GAS7: variants seen among roughly 807,000 people sequenced by gnomAD.
GAS7 encodes the protein growth arrest specific 7, also known as growth arrest-specific protein 7.
GAS7 carries 28 observed loss-of-function variants against 71.1 expected under a neutral mutation model. The observed-to-expected ratio is 0.39, with a 90% confidence interval of 0.29 to 0.54. The LOEUF is 0.54. Among genes scored for constraint, GAS7 ranks in the 20% least tolerant of loss-of-function variants. The pLI, the probability that GAS7 is intolerant of heterozygous loss-of-function variation, is 0.62. For missense variants in GAS7, 436 were observed against 627.8 expected (o/e 0.69, Z 3.27); for synonymous variants, 258 against 245.8 (o/e 1.05, Z -0.46).
intron 1 of GAS7, among the ~76,000 whole-genome samples, chr17:10,047,811 G>T (rs1019423796): frequency 2.0e-5 from 3 of 152,142 alleles, no homozygotes; most frequent in Admixed American, 1.3e-4. Flanking sequence ...ATTTAAATCA[G>T]TGACTTGCGG....
chr17:10,162,066 CAAAAAAAA>C (rs58368044), intron 1 of GAS7, among the ~76,000 whole-genome samples: 1 of 103,618 alleles, frequency 9.7e-6, no homozygotes, highest in Non-Finnish European at 1.9e-5. Context: ...GACTCCATCT[CAAAAAAAA>C]AAAAAAAAAA....
chr17:9,956,794 G>C (rs994539639), intron 5 of GAS7, among the ~76,000 whole-genome samples: 1 of 152,180 alleles, frequency 6.6e-6, no homozygotes, highest in Non-Finnish European at 1.5e-5. Flanking sequence ...CACGGGAAGC[G>C]GCTCACCTCA....
At chr17:10,037,159 G>C (rs563791593) in intron 1 of GAS7, among the ~76,000 whole-genome samples, 5 of 152,362 alleles carry the variant, frequency 3.3e-5, no homozygotes, top group African/African-American at 1.2e-4. Context: ...CATCAAACCT[G>C]GACAGATAAC....
intron 13 of GAS7, among the ~76,000 whole-genome samples, chr17:9,917,760 C>T (rs1325853510): frequency 6.6e-6 from 1 of 152,234 alleles, no homozygotes; most frequent in East Asian, 1.9e-4. Context: ...GCTTCTTTCT[C>T]CTCAGGGTAA....
chr17:10,084,429 A>G (rs1004665467), intron 1 of GAS7, among the ~76,000 whole-genome samples: 1 of 152,136 alleles, frequency 6.6e-6, no homozygotes, highest in Non-Finnish European at 1.5e-5. Flanking sequence ...AGATCACTAC[A>G]GCAGATACCT....
intron 1 of GAS7, among the ~76,000 whole-genome samples, chr17:10,039,479 C>T (rs755931847): frequency 7.2e-5 from 11 of 151,990 alleles, no homozygotes; most frequent in East Asian, 3.9e-4. Context: ...GTCAGGAGTT[C>T]GAGACCAGCC....
intron 1 of GAS7, among the ~76,000 whole-genome samples, chr17:10,079,931 T>G (rs1019557882): frequency 6.6e-6 from 1 of 152,194 alleles, no homozygotes; most frequent in Non-Finnish European, 1.5e-5. Context: ...GTAAAAGACT[T>G]ATATGGAGAC....
At position 10,034,011 on chromosome 17, in the gene GAS7, A is replaced by G. The variant is rs1055858415; in HGVS notation, c.184-14114T>C. On this transcript the variant is annotated intron_variant, in intron 1 of 13. Transcript: ENST00000432992. The surrounding 1 kb of genome is among the most constrained non-coding windows in gnomAD (Gnocchi z 4.4). The stretch of plus-strand genomic sequence containing the variant: ...TCAGTAAGGGGTGCAATTCTCACCA[A>G]CCCGATTCAACTAACATTTCTGGAG... 1 of 501,070 alleles carries G rather than the reference A, an allele frequency of 2.0e-6. No homozygotes were observed. The highest frequency in any genetic ancestry group is 2.6e-6 in the Non-Finnish European group (1 of 387,168). 31.0% of individuals were successfully genotyped at this position (501,070 alleles called of 1,614,324 possible).
intron 2 of GAS7, among the ~76,000 whole-genome samples, chr17:10,009,317 T>TAAAAAAAAAA (rs2071665431): frequency 3.4e-5 from 2 of 58,714 alleles, no homozygotes; most frequent in Admixed American, 1.4e-4. Flanking sequence ...CGAGACTCCG[T>TAAAAAAAAAA]CAAAAAAAAA....
At chr17:10,025,732 C>T (rs58524551) in intron 1 of GAS7, among the ~76,000 whole-genome samples, 5,997 of 152,160 alleles carry the variant, frequency 0.039, 402 homozygotes, top group African/African-American at 0.14. Flanking sequence ...CACTCTGGGG[C>T]CTGACTCAAT....
rs1207470108 is a variant in GAS7 at position 9,913,804 on chromosome 17, C to A, written c.*3424G>T. 8.6e-6 allele frequency: 2 copies of A among 231,646 alleles called. No homozygotes were observed. The highest frequency in any genetic ancestry group is 1.7e-5 in the Non-Finnish European group (2 of 117,162). The allele number at this position is 231,646 out of a possible 1,614,324, so 14.3% of individuals were successfully genotyped here. A position where few individuals can be genotyped will look rare whatever the true frequency, so the allele number is the denominator to read the frequency against. ...CTCTTCCTGGAGGTTGTCACAGCAA[C>A]CAACTTGGAACACCATTTGGCTTAA... On this transcript the variant is annotated 3_prime_UTR_variant, in exon 14 of 14. Coordinates refer to ENST00000432992, the MANE Select transcript of GAS7 (RefSeq NM_201433.2).
intron 9 of GAS7, among the ~76,000 whole-genome samples, chr17:9,930,979 C>G (rs2068188522): frequency 6.6e-6 from 1 of 152,196 alleles, no homozygotes; most frequent in Admixed American, 6.5e-5. Context: ...GTCCTGAACA[C>G]TAACTTAAAA....
At chr17:10,038,127 A>G (rs1167358359) in intron 1 of GAS7, among the ~76,000 whole-genome samples, 1 of 151,726 alleles carries the variant, frequency 6.6e-6, no homozygotes, top group Non-Finnish European at 1.5e-5. Flanking sequence ...GGAGGCCAAG[A>G]CGGGTGGATC....
chr17:9,921,787 G>A (rs1010266236), intron 11 of GAS7, among the ~76,000 whole-genome samples: 41 of 151,838 alleles, frequency 2.7e-4, no homozygotes, highest in African/African-American at 9.0e-4. Flanking sequence ...GTGAAACCCC[G>A]TCTCTACTAA....
chr17:10,184,649 T>C (rs1263553679), intron 1 of GAS7, among the ~76,000 whole-genome samples: 2 of 152,214 alleles, frequency 1.3e-5, no homozygotes, highest in African/African-American at 2.4e-5. Context: ...GAAATATATT[T>C]GGTCCTTGTC....
At chr17:10,058,719 C>A (rs2073181694) in intron 1 of GAS7, among the ~76,000 whole-genome samples, 1 of 152,202 alleles carries the variant, frequency 6.6e-6, no homozygotes, top group Non-Finnish European at 1.5e-5. Flanking sequence ...ACACATCACA[C>A]CCCTATCACA....
intron 9 of GAS7, among the ~76,000 whole-genome samples, chr17:9,933,562 G>A (rs1233003253): frequency 6.6e-6 from 1 of 152,186 alleles, no homozygotes; most frequent in Non-Finnish European, 1.5e-5. Context: ...AAGGTAATAG[G>A]CCAGGTATAG....
At chr17:10,076,144 GGGGAATGGGAAAGGGAAGGGGAAA>G (rs1339102113) in intron 1 of GAS7, among the ~76,000 whole-genome samples, 1 of 137,660 alleles carries the variant, frequency 7.3e-6, no homozygotes, top group Non-Finnish European at 1.6e-5. Flanking sequence ...AAACGAAGGG[GGGGAATGGGAAAGGGAAGGGGAAA>G]GGGAAAGGGA....
intron 1 of GAS7, among the ~76,000 whole-genome samples, chr17:10,159,313 T>A (rs9889997): frequency 0.23 from 35,476 of 151,118 alleles, 4,236 homozygotes; most frequent in East Asian, 0.29. Flanking sequence ...CCTAGGTGAA[T>A]ACCCAACACA....
Sources: allele counts gnomAD v4.1 joint callset (sites outside exome capture counted in the v4.1 genomes callset), GRCh38; gene constraint gnomAD v4.1.1; non-coding constraint Gnocchi (gnomAD v3.1); transcripts MANE v1.5; gene names NCBI Gene and HGNC (gene_info 2026-07-23, HGNC 2026-07-21).